Variants in PPM1L observed in about 807,000 individuals in gnomAD.
The protein encoded by PPM1L is protein phosphatase 1L.
A neutral mutation model predicts 31.4 loss-of-function variants in PPM1L; 13 were observed. The ratio of observed to expected loss-of-function variants is 0.41; its 90% CI spans 0.27 to 0.66. The LOEUF (loss-of-function observed/expected upper bound fraction) is 0.66. PPM1L is among the 30% of genes least tolerant of loss of function. The pLI is 0.29. For missense variants in PPM1L, 326 were observed against 453.7 expected (o/e 0.72, Z 2.56); for synonymous variants, 184 against 175.4 (o/e 1.05, Z -0.39).
Position 160,756,499 on chromosome 3 carries a change from C to T in PPM1L, c.191C>T (p.Ala64Val), listed in dbSNP as rs1714807423. 6.2e-7 allele frequency: 1 copy of T among 1,614,134 alleles called. No homozygotes were observed. The highest frequency in any genetic ancestry group is 1.3e-5 in the African/African-American group (1 of 75,022). ...GTGAAGATGGTGAAGGGCAAGGTAG[C>T]CGAGATCATGCAGAACGATCGACTC... ...DAVKMVKGKV[A>V]EIMQNDRLGG... is the part of the protein sequence containing the mutation. The change falls in exon 1 of 4, where the codon GCC (alanine) becomes GTC (valine). Residue 64 changes from alanine (A) to valine (V), a missense_variant. By Grantham distance (64) the Ala-to-Val change is moderately conservative (BLOSUM62 0). Around this residue, in one of 3 missense-constraint regions of PPM1L, gnomAD observed 83 missense variants for 79.4 expected, o/e 1.04. Transcript: ENST00000498165. The surrounding 1 kb of genome is among the most constrained non-coding windows in gnomAD (Gnocchi z 6.2).
intron 1 of PPM1L, among the ~76,000 whole-genome samples, chr3:160,878,419 G>A (rs1712590571): frequency 6.6e-6 from 1 of 152,174 alleles, no homozygotes; most frequent in Non-Finnish European, 1.5e-5. Context: ...TTCCTGCTAA[G>A]GGCCCTTTTC....
chr3:160,861,314 T>A (rs1290584159), intron 1 of PPM1L, among the ~76,000 whole-genome samples: 1 of 152,162 alleles, frequency 6.6e-6, no homozygotes, highest in African/African-American at 2.4e-5. Context: ...TAGATACAAC[T>A]CTGAAGATAC....
intron 2 of PPM1L, among the ~76,000 whole-genome samples, chr3:161,047,319 G>A (rs1719115627): frequency 6.6e-6 from 1 of 152,092 alleles, no homozygotes; most frequent in African/African-American, 2.4e-5. Context: ...CAAATCATGA[G>A]AGAACTCCCA....
intron 1 of PPM1L, among the ~76,000 whole-genome samples, chr3:160,805,787 C>G (rs1231229070): frequency 6.6e-6 from 1 of 152,136 alleles, no homozygotes; most frequent in Non-Finnish European, 1.5e-5. Flanking sequence ...ACCTTTAAAT[C>G]TGTCAGTAGT....
At chr3:161,005,605 G>A (rs9812507) in intron 2 of PPM1L, among the ~76,000 whole-genome samples, 46,560 of 151,874 alleles carry the variant, frequency 0.31, 7,570 homozygotes, top group East Asian at 0.63. Flanking sequence ...CATGATCTCG[G>A]GCATGTTATT....
At chr3:161,012,136 G>A (rs1355348195) in intron 2 of PPM1L, among the ~76,000 whole-genome samples, 179 of 152,106 alleles carry the variant, frequency 1.2e-3, no homozygotes, top group Non-Finnish European at 5.4e-4. Flanking sequence ...CCCATTCAGT[G>A]TGATATTGGC....
intron 2 of PPM1L, chr3:161,022,307 A>C (rs1451048472): frequency 6.4e-6 from 3 of 468,030 alleles, no homozygotes; most frequent in Non-Finnish European, 7.5e-6. Flanking sequence ...GTTGTCAACC[A>C]AATTATATGC....
At chr3:160,920,565 A>G (rs1714352441) in intron 1 of PPM1L, among the ~76,000 whole-genome samples, 1 of 146,560 alleles carries the variant, frequency 6.8e-6, no homozygotes, top group Non-Finnish European at 1.5e-5. Flanking sequence ...GAAACCCAGC[A>G]ACTGCACTTA....
At chr3:160,905,537 A>T (rs1366832595) in intron 1 of PPM1L, among the ~76,000 whole-genome samples, 1 of 152,184 alleles carries the variant, frequency 6.6e-6, no homozygotes, top group Non-Finnish European at 1.5e-5. Context: ...TAGGTCTAGG[A>T]CTATCTTTGT....
At chr3:161,026,181 A>G (rs1718383089) in intron 2 of PPM1L, among the ~76,000 whole-genome samples, 1 of 152,128 alleles carries the variant, frequency 6.6e-6, no homozygotes, top group Non-Finnish European at 1.5e-5. Context: ...ACTGCTTCCC[A>G]GATGCAATGG....
intron 2 of PPM1L, among the ~76,000 whole-genome samples, chr3:161,049,138 C>G (rs1432087756): frequency 1.3e-5 from 2 of 150,600 alleles, no homozygotes; most frequent in African/African-American, 4.9e-5. Context: ...ATTAGATGGA[C>G]GTGGTAGCAC....
chr3:160,811,252 T>G (rs1210427293), intron 1 of PPM1L, among the ~76,000 whole-genome samples: 1 of 152,250 alleles, frequency 6.6e-6, no homozygotes, highest in Non-Finnish European at 1.5e-5. Context: ...ACTGATTCTC[T>G]TCTATCCCCC....
intron 1 of PPM1L, among the ~76,000 whole-genome samples, chr3:160,953,940 C>G (rs1715652489): frequency 6.6e-6 from 1 of 152,070 alleles, no homozygotes; most frequent in East Asian, 1.9e-4. Context: ...CTCATGTGTT[C>G]TTTTGTTCTA....
At chr3:161,050,450 A>C (rs1719237148) in intron 2 of PPM1L, among the ~76,000 whole-genome samples, 1 of 152,224 alleles carries the variant, frequency 6.6e-6, no homozygotes, top group Admixed American at 6.5e-5. Flanking sequence ...AAATTTCAGA[A>C]AAGTTTTTTT....
intron 1 of PPM1L, among the ~76,000 whole-genome samples, chr3:160,758,375 A>G (rs996388102): frequency 6.6e-6 from 1 of 152,112 alleles, no homozygotes; most frequent in Non-Finnish European, 1.5e-5. Context: ...GGAAGCTGTG[A>G]TTCCTTCCTT....
chr3:160,988,367 A>G (rs1717032757), intron 2 of PPM1L, among the ~76,000 whole-genome samples: 2 of 152,194 alleles, frequency 1.3e-5, no homozygotes, highest in African/African-American at 4.8e-5. Context: ...AGCAAAATCA[A>G]AAAACAATAG....
chr3:160,857,385 T>C (rs1448143888), intron 1 of PPM1L, among the ~76,000 whole-genome samples: 1 of 152,238 alleles, frequency 6.6e-6, no homozygotes, highest in African/African-American at 2.4e-5. Context: ...TGCTTTAATA[T>C]ACAACTACAG....
At chr3:160,763,905 CTT>C (rs923525798) in intron 1 of PPM1L, among the ~76,000 whole-genome samples, 23 of 152,206 alleles carry the variant, frequency 1.5e-4, no homozygotes, top group African/African-American at 4.3e-4. Flanking sequence ...GTTTGCATAA[CTT>C]TTGTTACCAT....
intron 1 of PPM1L, among the ~76,000 whole-genome samples, chr3:160,958,033 A>G (rs1009278168): frequency 1.3e-5 from 2 of 152,038 alleles, no homozygotes; most frequent in Non-Finnish European, 2.9e-5. Context: ...ATTTGTTTAA[A>G]TTCCTTATAG....
Sources: gnomAD v4.1 joint callset for allele counts (sites outside exome capture counted in the v4.1 genomes callset) on GRCh38, gnomAD v4.1.1 for gene constraint, gnomAD v4.1.1 regional missense constraint, Gnocchi (gnomAD v3.1) non-coding constraint, MANE v1.5 for transcripts, NCBI Gene and HGNC (gene_info 2026-07-23, HGNC 2026-07-21) for gene names.